Variants in CNTNAP2 observed in about 807,000 individuals in gnomAD.
CNTNAP2 encodes contactin associated protein 2, also known as contactin-associated protein-like 2.
CNTNAP2 carries 98 observed loss-of-function variants against 155.2 expected under a neutral mutation model. The observed-to-expected ratio is 0.63, with a 90% confidence interval of 0.54 to 0.75. CNTNAP2 has a LOEUF of 0.75. CNTNAP2 is among the 30% of genes least tolerant of loss of function. CNTNAP2 has a pLI of 0.00. For missense variants in CNTNAP2, 1,727 were observed against 1,688.1 expected (o/e 1.02, Z -0.40); for synonymous variants, 651 against 631.2 (o/e 1.03, Z -0.47).
intron 13 of CNTNAP2, among the ~76,000 whole-genome samples, chr7:147,670,538 A>G (rs1357758566): frequency 3.3e-5 from 5 of 152,200 alleles, no homozygotes; most frequent in African/African-American, 1.2e-4. Flanking sequence ...AGAGAGGTGA[A>G]GCAGCTGGAC....
chr7:147,787,786 A>G (rs1292426727), intron 13 of CNTNAP2, among the ~76,000 whole-genome samples: 1 of 152,248 alleles, frequency 6.6e-6, no homozygotes, highest in Non-Finnish European at 1.5e-5. Flanking sequence ...AATGAGAGCT[A>G]GTAATCACTT....
At chr7:146,277,509 G>C (rs185904586) in intron 1 of CNTNAP2, among the ~76,000 whole-genome samples, 1 of 152,264 alleles carries the variant, frequency 6.6e-6, no homozygotes, top group Non-Finnish European at 1.5e-5. Flanking sequence ...GGATCATAGA[G>C]AGCAGCCACG....
intron 15 of CNTNAP2, among the ~76,000 whole-genome samples, chr7:148,094,993 A>G (rs1252176664): frequency 6.6e-6 from 1 of 152,196 alleles, no homozygotes; most frequent in Admixed American, 6.5e-5. Flanking sequence ...GAGGCAGTGG[A>G]ACCAATGAAA....
chr7:146,207,527 A>G (rs1798964530), intron 1 of CNTNAP2, among the ~76,000 whole-genome samples: 1 of 151,760 alleles, frequency 6.6e-6, no homozygotes, highest in South Asian at 2.1e-4. Flanking sequence ...CATCAGTTTT[A>G]GTTGAATCCT....
At chr7:148,269,494 C>T (rs1321330464) in intron 21 of CNTNAP2, among the ~76,000 whole-genome samples, 2 of 152,154 alleles carry the variant, frequency 1.3e-5, no homozygotes, top group East Asian at 3.9e-4. Context: ...AAGAAACAAA[C>T]GTCACAACAA....
At chr7:147,581,648 A>G (rs1272599928) in intron 12 of CNTNAP2, among the ~76,000 whole-genome samples, 1 of 152,198 alleles carries the variant, frequency 6.6e-6, no homozygotes, top group African/African-American at 2.4e-5. Flanking sequence ...ATTGTGACAT[A>G]TTATCAGTGA....
chr7:148,285,351 C>T (rs1797060874), intron 21 of CNTNAP2, among the ~76,000 whole-genome samples: 1 of 152,196 alleles, frequency 6.6e-6, no homozygotes, highest in African/African-American at 2.4e-5. Flanking sequence ...ATTCATTTTC[C>T]AACTGTTACT....
intron 15 of CNTNAP2, among the ~76,000 whole-genome samples, chr7:148,007,199 C>G (rs967920955): frequency 1.3e-5 from 2 of 152,130 alleles, no homozygotes; most frequent in African/African-American, 4.8e-5. Flanking sequence ...ATCAAGTAAA[C>G]ATATTTCAGA....
chr7:147,491,563 G>A (rs1224731599), intron 11 of CNTNAP2, among the ~76,000 whole-genome samples: 5 of 152,156 alleles, frequency 3.3e-5, no homozygotes, highest in African/African-American at 4.8e-5. Flanking sequence ...TGCATCTCTG[G>A]CAGGAGGTGG....
intron 13 of CNTNAP2, chr7:147,894,208 C>G (rs1002817888): frequency 2.0e-5 from 3 of 152,130 alleles, no homozygotes; most frequent in African/African-American, 7.2e-5. Flanking sequence ...ATTAAGGATG[C>G]CTATACTTAG....
intron 10 of CNTNAP2, among the ~76,000 whole-genome samples, chr7:147,418,110 T>G (rs1308085612): frequency 6.6e-6 from 1 of 152,230 alleles, no homozygotes; most frequent in Non-Finnish European, 1.5e-5. Context: ...TACAAAGCGA[T>G]GGAAAGCATA....
chr7:147,286,066 T>C (rs1026621628), intron 8 of CNTNAP2, among the ~76,000 whole-genome samples: 1 of 152,078 alleles, frequency 6.6e-6, no homozygotes, highest in African/African-American at 2.4e-5. Context: ...CCATAAAGTC[T>C]GGAATCATCA....
At chr7:146,118,826 TTTA>T (rs1172327081) in intron 1 of CNTNAP2, among the ~76,000 whole-genome samples, 1 of 152,296 alleles carries the variant, frequency 6.6e-6, no homozygotes, top group African/African-American at 2.4e-5. Context: ...ATTAAGATTT[TTTA>T]TTAACTTGGC....
intron 13 of CNTNAP2, among the ~76,000 whole-genome samples, chr7:147,785,443 T>C (rs1437567692): frequency 6.6e-6 from 1 of 152,044 alleles, no homozygotes; most frequent in Non-Finnish European, 1.5e-5. Flanking sequence ...TAAAACTTAC[T>C]ATTTGGTAGA....
chr7:146,516,792 G>A (rs766591051), intron 1 of CNTNAP2, among the ~76,000 whole-genome samples: 4 of 151,792 alleles, frequency 2.6e-5, no homozygotes, highest in African/African-American at 9.7e-5. Flanking sequence ...CCCTTGCCAC[G>A]CTTCTTTGCT....
intron 1 of CNTNAP2, among the ~76,000 whole-genome samples, chr7:146,198,279 G>A (rs1467143294): frequency 6.6e-6 from 1 of 152,104 alleles, no homozygotes; most frequent in African/African-American, 2.4e-5. Context: ...TATTCTCTGA[G>A]CACTTTTCCC....
chr7:148,351,674 CG>C (rs2116599258), intron 21 of CNTNAP2, among the ~76,000 whole-genome samples: 1 of 138,406 alleles, frequency 7.2e-6, no homozygotes, highest in Non-Finnish European at 1.5e-5. Context: ...ACCCAGGAGC[CG>C]GAGGTTGCAG....
chr7:148,088,624 G>T (rs1311694998), intron 15 of CNTNAP2, among the ~76,000 whole-genome samples: 6 of 151,748 alleles, frequency 4.0e-5, no homozygotes. Context: ...TGATGAAACA[G>T]AAAATCTAAA....
chr7:147,179,675 C>T (rs1351236008), intron 8 of CNTNAP2, among the ~76,000 whole-genome samples: 3 of 151,908 alleles, frequency 2.0e-5, no homozygotes, highest in African/African-American at 7.3e-5. Context: ...GAAGAGTGGG[C>T]ACAGGAGATG....
Sources: gnomAD v4.1 joint callset for allele counts (sites outside exome capture counted in the v4.1 genomes callset) on GRCh38, gnomAD v4.1.1 for gene constraint, MANE v1.5 for transcripts, NCBI Gene and HGNC (gene_info 2026-07-23, HGNC 2026-07-21) for gene names.